The following MYPN variants were observed in gnomAD, a reference collection of about 807,000 sequenced individuals.
MYPN encodes the protein myopalladin, also known as sarcomeric protein myopalladin, 145 kDa (MYOP).
Under a neutral mutation model 129.4 loss-of-function variants are expected in MYPN, and 63 were observed. The observed-to-expected ratio is 0.49, with a 90% CI of 0.40 to 0.60. The LOEUF (loss-of-function observed/expected upper bound fraction) is 0.60, where lower values mean the gene tolerates loss of function less well. Among genes scored for constraint, MYPN ranks in the 20% least tolerant of loss-of-function variants. MYPN has a pLI of 0.00. For synonymous variants in MYPN, 629 were observed against 600.9 expected (o/e 1.05, Z -0.68); for missense variants, 1,596 against 1,635.4 (o/e 0.98, Z 0.42).
In MYPN at chr10:68,148,747, G is replaced by A. The variant is rs559158640; in HGVS notation, c.1245+280G>A. 2.6e-5 allele frequency among the ~76,000 whole-genome samples: 4 copies of A among 152,288 alleles called. No individual in the cohort carries two copies. In the South Asian group the frequency reaches 6.2e-4, roughly 24 times the overall value. ...GTGCTGATTACATATGCAGTGAGCTGTCAGCTCTCAGACTGGCCTAGAACA... is the reference window on the plus strand; with the variant it reads ...GTGCTGATTACATATGCAGTGAGCTATCAGCTCTCAGACTGGCCTAGAACA... On this transcript the variant is annotated intron_variant, in intron 5 of 19. Transcript: ENST00000358913.
rs373836706 is a variant in MYPN, at chr10:68,179,858, T to C, written c.2703+4397T>C. On this transcript the variant is annotated intron_variant, in intron 12 of 19. Transcript: ENST00000358913. ...TGTAGTTTTTTTAATAGAGAGGAGG[T>C]TTCGCCAAGATGAAATCTTTTAAAA... 7.9e-5 allele frequency among the ~76,000 whole-genome samples: 12 copies of C among 152,142 alleles called. No homozygotes were observed. The East Asian group carries it at 1.4e-3, about 17-fold the overall frequency.
chr10:68,114,601 G>A (rs1303780806), intron 1 of MYPN, among the ~76,000 whole-genome samples: 5 of 151,908 alleles, frequency 3.3e-5, no homozygotes, highest in Non-Finnish European at 7.4e-5. Flanking sequence ...TGCCTGGCTC[G>A]GCCTCCCAAA....
At chr10:68,192,215 C>T (rs991256535) in intron 13 of MYPN, among the ~76,000 whole-genome samples, 4 of 151,894 alleles carry the variant, frequency 2.6e-5, no homozygotes, top group Non-Finnish European at 2.9e-5. Flanking sequence ...AAAGAGGTGC[C>T]GAATTTAATT....
At chr10:68,161,634 G>T (rs1456453620) in intron 7 of MYPN, 95 bp from the exon 8 acceptor site, 24 of 932,412 alleles carry the variant, frequency 2.6e-5, no homozygotes, top group South Asian at 1.2e-4. Context: ...TCCTGAGTGT[G>T]CAAGAGACTG....
intron 6 of MYPN, 36 bp from the exon 7 acceptor site, chr10:68,158,450 T>C (rs1434873637): frequency 6.3e-7 from 1 of 1,596,390 alleles, no homozygotes; most frequent in Non-Finnish European, 8.6e-7. Context: ...AAATGTGTAC[T>C]TTTTTGTTCT....
chr10:68,204,640 C>A (rs1323422913), intron 18 of MYPN, among the ~76,000 whole-genome samples: 1 of 145,542 alleles, frequency 6.9e-6, no homozygotes, highest in African/African-American at 2.5e-5. Context: ...ATCACTTGAA[C>A]CTGGGAGGCA....
At chr10:68,146,732 A>C (rs77739107) in intron 4 of MYPN, among the ~76,000 whole-genome samples, 2,013 of 152,338 alleles carry the variant, frequency 0.013, 46 homozygotes, top group African/African-American at 0.046. Context: ...AAATAGAAAG[A>C]AATAAAGGCT....
At chr10:68,140,506 G>GT (rs1160944611) in intron 2 of MYPN, among the ~76,000 whole-genome samples, 12,349 of 146,274 alleles carry the variant, frequency 0.084, 1,312 homozygotes, top group African/African-American at 0.25. Flanking sequence ...CATAGTATAG[G>GT]TTTTTTTTTT....
Position 68,197,428 on chromosome 10 carries a change from C to T in MYPN, c.3235C>T (p.Pro1079Ser), listed in dbSNP as rs2134290262. Residue 1079 changes from proline to serine, a missense_variant, in exon 16 of 20, where the codon CCT becomes TCT. Coordinates refer to ENST00000358913, the MANE Select transcript of MYPN (RefSeq NM_032578.4). ...TTTCCGACCACATTTCCTGCAGGCT[C>T]CTGGGGATATGGTAGCTCATGAGGG... Reference protein sequence around the residue: ...RFFRPHFLQAPGDMVAHEGRL... With the variant: ...RFFRPHFLQASGDMVAHEGRL... The T allele has an allele frequency of 8.1e-6, 13 of 1,614,000 alleles. No homozygotes were observed. The highest frequency in any genetic ancestry group is 1.1e-5 in the Non-Finnish European group (13 of 1,179,964).
At chr10:68,200,627 G>C (rs527589951) in intron 17 of MYPN, among the ~76,000 whole-genome samples, 1 of 151,878 alleles carries the variant, frequency 6.6e-6, no homozygotes, top group Admixed American at 6.6e-5. Flanking sequence ...GTGTGGTGGC[G>C]CACACCTGTA....
chr10:68,096,494 G>A (rs751120273), intron 1 of MYPN, among the ~76,000 whole-genome samples: 4 of 152,144 alleles, frequency 2.6e-5, no homozygotes, highest in Non-Finnish European at 4.4e-5. Flanking sequence ...CCTGGGAGGC[G>A]GAGGTTGCAG....
At chr10:68,093,460 C>T (rs777311894) in intron 1 of MYPN, among the ~76,000 whole-genome samples, 10 of 151,536 alleles carry the variant, frequency 6.6e-5, no homozygotes, top group African/African-American at 2.2e-4. Context: ...AGGAATAGGC[C>T]GAGCGTGGTG....
At chr10:68,134,612 T>C (rs946899071) in intron 2 of MYPN, among the ~76,000 whole-genome samples, 2 of 152,030 alleles carry the variant, frequency 1.3e-5, no homozygotes, top group East Asian at 1.9e-4. Context: ...CTGGCTAACA[T>C]GGTGAAACCC....
At chr10:68,103,810 C>T (rs1177964384), upstream of MYPN, among the ~76,000 whole-genome samples, 3 of 152,204 alleles carry the variant, frequency 2.0e-5, no homozygotes, top group East Asian at 5.8e-4. Flanking sequence ...ATTAGCCAGC[C>T]GTGGTGGCAG....
In MYPN at chr10:68,197,477, A is replaced by G. The variant is rs1445712760; in HGVS notation, c.3284A>G (p.Lys1095Arg). 1 of 1,613,562 alleles carries G rather than the reference A, an allele frequency of 6.2e-7. No homozygotes were observed. Among genetic ancestry groups the G allele is most frequent in the Non-Finnish European group, 8.5e-7 (1 of 1,179,720 alleles). ...GGGCGCCTCTGTCGGCTGGACTGTA[A>G]GGTAGACTCCAGCACCCATGCTTAG... is the stretch of plus-strand genomic sequence containing the variant. ...HEGRLCRLDC[K>R]VSGLPPPELT... Residue 1095 changes from lysine (K) to arginine (R), a missense_variant and splice_region_variant, in exon 16 of 20, where the codon AAG (lysine) becomes AGG (arginine). Transcript: ENST00000358913.
intron 1 of MYPN, among the ~76,000 whole-genome samples, chr10:68,114,034 C>G (rs542734943): frequency 1.3e-5 from 2 of 152,122 alleles, no homozygotes; most frequent in Admixed American, 6.6e-5. Context: ...ACCCTTTGAC[C>G]AACATCTCGG....
chr10:68,128,758 A>G (rs1173086554), intron 2 of MYPN, among the ~76,000 whole-genome samples: 1 of 152,214 alleles, frequency 6.6e-6, no homozygotes, highest in Admixed American at 6.5e-5. Context: ...GAAAATCAAT[A>G]TTAAGGCTGA....
At chr10:68,193,797 G>GCGCACA (rs1210452246) in intron 13 of MYPN, among the ~76,000 whole-genome samples, 4 of 127,702 alleles carry the variant, frequency 3.1e-5, no homozygotes, top group East Asian at 4.4e-4. Flanking sequence ...ATGTGTATGT[G>GCGCACA]CACACACACA....
At chr10:68,145,424 T>C (rs1454536404) in intron 3 of MYPN, 51 bp from the exon 4 acceptor site, 1 of 1,459,062 alleles carries the variant, frequency 6.9e-7, no homozygotes, top group Non-Finnish European at 9.6e-7. Flanking sequence ...TAGGAACCAA[T>C]TTAAGAAATT....
Sources: allele counts gnomAD v4.1 joint callset (sites outside exome capture counted in the v4.1 genomes callset), GRCh38; gene constraint gnomAD v4.1.1; transcripts MANE v1.5; gene names NCBI Gene and HGNC (gene_info 2026-07-23, HGNC 2026-07-21).